The following CORO1C variants were observed in gnomAD, a reference collection of about 807,000 sequenced individuals.
CORO1C encodes coronin 1C, also known as coronin-1C.
In CORO1C, 14 loss-of-function variants were observed where a neutral mutation model predicts 51.2. The observed-to-expected ratio is 0.27, with a 90% confidence interval of 0.18 to 0.43. CORO1C has a LOEUF of 0.43. Among genes scored for constraint, CORO1C ranks in the 20% least tolerant of loss-of-function variants. The probability of loss-of-function intolerance (pLI) is 1.00; values close to 1 mark genes in which losing one functional copy is unlikely to be tolerated. For synonymous variants in CORO1C, 181 were observed against 210.5 expected (o/e 0.86, Z 1.21); for missense variants, 417 against 607.8 (o/e 0.69, Z 3.30).
At chr12:108,722,820 T>C (rs2035504438) in intron 1 of CORO1C, among the ~76,000 whole-genome samples, 1 of 152,216 alleles carries the variant, frequency 6.6e-6, no homozygotes, top group Non-Finnish European at 1.5e-5. Flanking sequence ...AGGTATGATA[T>C]GTTATTTGTT....
chr12:108,711,350 T>G (rs879754341), intron 1 of CORO1C, among the ~76,000 whole-genome samples: 1 of 151,486 alleles, frequency 6.6e-6, no homozygotes, highest in Non-Finnish European at 1.5e-5. Flanking sequence ...AGCCTGGGTA[T>G]CAGAGCAAGA....
chr12:108,655,520 C>A (rs1462083272), intron 6 of CORO1C, among the ~76,000 whole-genome samples: 2 of 152,228 alleles, frequency 1.3e-5, no homozygotes, highest in African/African-American at 4.8e-5. Context: ...CCTGCGATTG[C>A]AAGCGCGCAC....
intron 3 of CORO1C, among the ~76,000 whole-genome samples, chr12:108,671,935 T>C (rs7976646): frequency 5.9e-5 from 9 of 152,216 alleles, no homozygotes; most frequent in African/African-American, 1.9e-4. Flanking sequence ...GCTAATTTTT[T>C]ATTTTTTTGT....
rs1270494983 is a variant in CORO1C, at chr12:108,645,348, A to G, written c.*2055T>C. On this transcript the variant is annotated 3_prime_UTR_variant, in exon 11 of 11. Coordinates refer to ENST00000261401, the MANE Select transcript of CORO1C (RefSeq NM_014325.4). ...AAGTCATAAGCTACAAACTAAGATC[A>G]GGGTAACTTTCCCTTGCCCTCCTGC... is the stretch of plus-strand genomic sequence containing the variant. The G allele has an allele frequency of 6.6e-6, 1 of 152,134 alleles. No individual in the cohort carries two copies. The highest frequency in any genetic ancestry group is 1.5e-5 in the Non-Finnish European group (1 of 68,032). 9.4% of individuals were successfully genotyped at this position (152,134 alleles called of 1,614,324 possible).
At chr12:108,662,181 G>A (rs1204094398) in intron 3 of CORO1C, 23 bp from the exon 4 acceptor site, 6 of 1,609,186 alleles carry the variant, frequency 3.7e-6, no homozygotes, top group Non-Finnish European at 5.1e-6. Flanking sequence ...GAAGAAAGAT[G>A]ATCCACATGA....
At chr12:108,726,654 T>TA (rs751404095) in intron 1 of CORO1C, among the ~76,000 whole-genome samples, 2,158 of 119,898 alleles carry the variant, frequency 0.018, 37 homozygotes, top group African/African-American at 0.056. Flanking sequence ...TACAAAACAT[T>TA]AAAAAAAAAA....
At chr12:108,666,363 C>T (rs1393682641) in intron 3 of CORO1C, among the ~76,000 whole-genome samples, 1 of 152,096 alleles carries the variant, frequency 6.6e-6, no homozygotes, top group African/African-American at 2.4e-5. Flanking sequence ...AAGAAGACAA[C>T]AGAATTCTTG....
intron 1 of CORO1C, among the ~76,000 whole-genome samples, chr12:108,718,300 G>A (rs1041940426): frequency 9.9e-5 from 15 of 151,744 alleles, no homozygotes; most frequent in African/African-American, 3.4e-4. Context: ...CCTGGGAGGC[G>A]GAGCTTGCAG....
At chr12:108,700,574 C>T (rs77331697) in intron 2 of CORO1C, among the ~76,000 whole-genome samples, 81 of 151,970 alleles carry the variant, frequency 5.3e-4, no homozygotes, top group East Asian at 1.5e-3. Flanking sequence ...TTAAATCCTA[C>T]GCTGAAACTT....
intron 2 of CORO1C, among the ~76,000 whole-genome samples, chr12:108,682,491 A>G (rs903716766): frequency 6.6e-6 from 1 of 152,212 alleles, no homozygotes; most frequent in Non-Finnish European, 1.5e-5. Flanking sequence ...GGAAAGTTAT[A>G]TTGCCACTAT....
At chr12:108,681,779 G>C (rs1425785187) in intron 2 of CORO1C, among the ~76,000 whole-genome samples, 1 of 152,048 alleles carries the variant, frequency 6.6e-6, no homozygotes, top group Non-Finnish European at 1.5e-5. Context: ...TTCAGGAAAA[G>C]AAAGTAAAGT....
intron 1 of CORO1C, among the ~76,000 whole-genome samples, chr12:108,706,460 C>A (rs1466951504): frequency 1.3e-5 from 2 of 152,116 alleles, no homozygotes; most frequent in Non-Finnish European, 1.5e-5. Context: ...GAGTAAGAGA[C>A]ATTCAGATTG....
At chr12:108,696,188 G>A (rs1353830218) in intron 2 of CORO1C, among the ~76,000 whole-genome samples, 1 of 152,130 alleles carries the variant, frequency 6.6e-6, no homozygotes, top group South Asian at 2.1e-4. Context: ...GGTGAAATCA[G>A]CTATCATTCC....
At chr12:108,680,866 T>G (rs1401071691) in intron 2 of CORO1C, among the ~76,000 whole-genome samples, 1 of 152,246 alleles carries the variant, frequency 6.6e-6, no homozygotes. Flanking sequence ...AGATTTCACT[T>G]GCATCCTTGA....
At chr12:108,672,814 A>G (rs1004751199) in intron 3 of CORO1C, among the ~76,000 whole-genome samples, 2 of 152,204 alleles carry the variant, frequency 1.3e-5, no homozygotes, top group African/African-American at 4.8e-5. Flanking sequence ...TGTTACAGTG[A>G]TCAGTAATGT....
intron 5 of CORO1C, 116 bp from the exon 6 acceptor site, chr12:108,657,539 G>T: frequency 9.0e-7 from 1 of 1,116,172 alleles, no homozygotes; most frequent in Non-Finnish European, 1.3e-6. Context: ...CTGGGTGTGG[G>T]AGGGAGGTCA....
At chr12:108,663,547 A>C (rs965181188) in intron 3 of CORO1C, among the ~76,000 whole-genome samples, 1 of 152,248 alleles carries the variant, frequency 6.6e-6, no homozygotes, top group South Asian at 2.1e-4. Context: ...GCAAACTCTA[A>C]AAACATTATG....
intron 2 of CORO1C, among the ~76,000 whole-genome samples, chr12:108,684,365 A>G (rs538627705): frequency 6.6e-6 from 1 of 152,332 alleles, no homozygotes; most frequent in South Asian, 2.1e-4. Flanking sequence ...ATTCCTTTCA[A>G]GAGCAATTTG....
intron 3 of CORO1C, among the ~76,000 whole-genome samples, chr12:108,664,651 G>A (rs1000439506): frequency 2.6e-5 from 4 of 152,140 alleles, no homozygotes; most frequent in East Asian, 1.9e-4. Context: ...CTCCCTCTGC[G>A]GAAGAGACCT....
Sources: gnomAD v4.1 joint callset for allele counts (sites outside exome capture counted in the v4.1 genomes callset) on GRCh38, gnomAD v4.1.1 for gene constraint, MANE v1.5 for transcripts, NCBI Gene and HGNC (gene_info 2026-07-23, HGNC 2026-07-21) for gene names.